The following MMP16 variants were observed in gnomAD, a reference collection of about 807,000 sequenced individuals.
MMP16 encodes matrix metallopeptidase 16.
A neutral mutation model predicts 67.8 loss-of-function variants in MMP16; 12 were observed. That is an observed-to-expected ratio of 0.18 (90% confidence interval 0.11 to 0.29). The LOEUF is 0.29. MMP16 is among the 10% of genes least tolerant of loss of function. The pLI is 1.00. For synonymous variants in MMP16, 249 were observed against 255.9 expected (o/e 0.97, Z 0.26); for missense variants, 475 against 765.7 (o/e 0.62, Z 4.48).
chr8:88,293,018 C>A (rs957778738), intron 1 of MMP16, among the ~76,000 whole-genome samples: 1 of 152,150 alleles, frequency 6.6e-6, no homozygotes, highest in African/African-American at 2.4e-5. Flanking sequence ...TCATGTCTAT[C>A]CACTTAACGC....
intron 1 of MMP16, among the ~76,000 whole-genome samples, chr8:88,225,946 T>C (rs1809762601): frequency 6.6e-6 from 1 of 151,948 alleles, no homozygotes; most frequent in Non-Finnish European, 1.5e-5. Context: ...AAATAGCGCA[T>C]TCATTCCCTT....
In MMP16 at chr8:88,167,906, C is replaced by T. The variant is rs1808739024; in HGVS notation, c.472G>A (p.Val158Met). The change falls in exon 4 of 10, where the codon GTG (valine) becomes ATG (methionine). Residue 158 changes from valine (V) to methionine (M), a missense_variant. Val to Met is a conservative substitution (Grantham distance 21, BLOSUM62 1). Coordinates refer to ENST00000286614, the MANE Select transcript of MMP16 (RefSeq NM_005941.5). The part of the protein sequence containing the change: ...TRKAIRRAFD[V>M]WQNVTPLTFE... ...GTCAGAGGAGTTACATTCTGCCACA[C>T]ATCAAAGGCACGGCGAATAGCTTTA... 6.2e-7 allele frequency: 1 copy of T among 1,614,028 alleles called. No homozygotes were observed. Among genetic ancestry groups the T allele is most frequent in the Non-Finnish European group, 8.5e-7 (1 of 1,179,960 alleles).
rs1185074395 is a variant in MMP16, at chr8:88,154,458, G to T, written c.709+13211C>A. Among the ~76,000 whole-genome samples, 24 of 145,576 alleles carry T rather than the reference G, an allele frequency of 1.6e-4. No homozygotes were observed. The South Asian group carries it at 4.9e-3, about 30-fold the overall frequency. ...CATTATTCACAATAGCAAAGACTTG[G>T]AACCAACCCAAATGTCCAACAATGA... On this transcript the variant is annotated intron_variant, in intron 4 of 9. Transcript: ENST00000286614.
At chr8:88,172,453 C>T (rs1022574518) in intron 3 of MMP16, among the ~76,000 whole-genome samples, 1 of 152,116 alleles carries the variant, frequency 6.6e-6, no homozygotes, top group Non-Finnish European at 1.5e-5. Context: ...GTATTTATAA[C>T]TGAACTGAAG....
At chr8:88,179,639 C>T (rs1808947387) in intron 3 of MMP16, among the ~76,000 whole-genome samples, 1 of 152,036 alleles carries the variant, frequency 6.6e-6, no homozygotes, top group South Asian at 2.1e-4. Context: ...GTTATTATAG[C>T]ACATGGATAA....
chr8:88,248,485 A>G (rs1030037813), intron 1 of MMP16, among the ~76,000 whole-genome samples: 6 of 152,088 alleles, frequency 3.9e-5, no homozygotes, highest in Non-Finnish European at 8.8e-5. Flanking sequence ...TAAGAGATGT[A>G]GAGGACACAG....
intron 1 of MMP16, among the ~76,000 whole-genome samples, chr8:88,322,390 C>T (rs1811473679): frequency 6.6e-6 from 1 of 152,116 alleles, no homozygotes. Context: ...GGTTGATTTT[C>T]AGTACATTAT....
At chr8:88,068,282 G>T (rs1354843496) in intron 7 of MMP16, among the ~76,000 whole-genome samples, 3 of 151,914 alleles carry the variant, frequency 2.0e-5, no homozygotes, top group Non-Finnish European at 4.4e-5. Context: ...ATTGAGTTTT[G>T]AGTGTTCTTT....
At chr8:88,161,117 G>T (rs1320227787) in intron 4 of MMP16, among the ~76,000 whole-genome samples, 1 of 152,192 alleles carries the variant, frequency 6.6e-6, no homozygotes, top group African/African-American at 2.4e-5. Context: ...GTTTCAGAAG[G>T]AATGGTACCA....
At position 88,034,506 on chromosome 8, in the gene MMP16, G is replaced by A. The variant is rs1258591452; in HGVS notation, c.*6955C>T. ...TAAAGGAATAATTGATTCCACATCA[G>A]CTGTAAAAGAAGTAAATGCCAAAAA... On this transcript the variant is annotated 3_prime_UTR_variant, in exon 10 of 10. Coordinates refer to ENST00000286614, the MANE Select transcript of MMP16 (RefSeq NM_005941.5). 3 of 152,386 alleles carry A rather than the reference G, an allele frequency of 2.0e-5. No homozygotes were observed. In the East Asian group the frequency reaches 5.8e-4, roughly 29 times the overall value. The allele number at this position is 152,386 out of a possible 1,614,324, so 9.4% of individuals were successfully genotyped here.
chr8:88,143,810 T>C (rs1368232310), intron 4 of MMP16, among the ~76,000 whole-genome samples: 2 of 151,954 alleles, frequency 1.3e-5, no homozygotes, highest in African/African-American at 4.8e-5. Context: ...TATAACTAAA[T>C]AAACTGATTT....
chr8:88,222,592 G>C (rs953059475), intron 1 of MMP16, among the ~76,000 whole-genome samples: 2 of 152,054 alleles, frequency 1.3e-5, no homozygotes, highest in South Asian at 2.1e-4. Context: ...ACAAGAAATG[G>C]GGAAAGGATT....
At chr8:88,181,089 G>A (rs1412823990) in intron 3 of MMP16, among the ~76,000 whole-genome samples, 1 of 152,060 alleles carries the variant, frequency 6.6e-6, no homozygotes. Flanking sequence ...CACACTTGAT[G>A]TTGAAGAACT....
At chr8:88,103,851 A>G (rs1017522251) in intron 6 of MMP16, among the ~76,000 whole-genome samples, 2 of 151,834 alleles carry the variant, frequency 1.3e-5, no homozygotes, top group Admixed American at 1.3e-4. Context: ...CATAAACAAA[A>G]TAAGTGGTTA....
chr8:88,092,696 A>G (rs1386557743), intron 6 of MMP16, among the ~76,000 whole-genome samples: 3 of 151,918 alleles, frequency 2.0e-5, no homozygotes, highest in East Asian at 3.9e-4. Context: ...TCAAAGCAGA[A>G]ATGTGCTTTT....
chr8:88,314,271 G>A (rs540618073), intron 1 of MMP16, among the ~76,000 whole-genome samples: 26 of 151,984 alleles, frequency 1.7e-4, no homozygotes, highest in Non-Finnish European at 3.4e-4. Context: ...TCAACTTTTG[G>A]ACATAAAGAA....
intron 6 of MMP16, among the ~76,000 whole-genome samples, chr8:88,108,390 C>T (rs1034858077): frequency 6.6e-6 from 1 of 151,206 alleles, no homozygotes; most frequent in Non-Finnish European, 1.5e-5. Context: ...ATTTAACATT[C>T]CTGCTCACCC....
intron 4 of MMP16, among the ~76,000 whole-genome samples, chr8:88,142,973 A>G (rs2118505721): frequency 6.6e-6 from 1 of 152,300 alleles, no homozygotes; most frequent in African/African-American, 2.4e-5. Flanking sequence ...CCTCATCTGT[A>G]TGAAATGGAG....
At chr8:88,140,487 T>G (rs1391689553) in intron 4 of MMP16, among the ~76,000 whole-genome samples, 1 of 152,138 alleles carries the variant, frequency 6.6e-6, no homozygotes, top group Non-Finnish European at 1.5e-5. Flanking sequence ...ATGGGACAAG[T>G]GTCAAAGAAT....
Sources: allele counts gnomAD v4.1 joint callset (sites outside exome capture counted in the v4.1 genomes callset), GRCh38; gene constraint gnomAD v4.1.1; transcripts MANE v1.5; gene names NCBI Gene and HGNC (gene_info 2026-07-23, HGNC 2026-07-21).